ERAP1: variants seen among roughly 807,000 people sequenced by gnomAD.
The protein encoded by ERAP1 is adipocyte-derived leucine aminopeptidase.
Under a neutral mutation model 103.7 loss-of-function variants are expected in ERAP1, and 86 were observed. That is an observed-to-expected ratio of 0.83 (90% confidence interval 0.70 to 0.99). The LOEUF (loss-of-function observed/expected upper bound fraction) is 0.99. Among genes scored for constraint, ERAP1 ranks in the 50% least tolerant of loss-of-function variants. ERAP1 has a pLI of 0.00. For missense variants in ERAP1, 1,009 were observed against 1,128.4 expected (o/e 0.89, Z 1.52); for synonymous variants, 398 against 402.4 (o/e 0.99, Z 0.13).
At chr5:96,902,348 A>G in the ERAP1 span, 1 of 1,606,898 alleles carries the variant, frequency 6.2e-7, no homozygotes, top group East Asian at 2.2e-5. Context: ...CTAAAATCAA[A>G]GACAGGTAAT....
chr5:96,799,448 CA>C (rs151278117), intron 3 of ERAP1, among the ~76,000 whole-genome samples: 135 of 144,920 alleles, frequency 9.3e-4, no homozygotes, highest in African/African-American at 1.4e-3. Context: ...TTCCTATCCT[CA>C]AAAAAAAAAA....
the ERAP1 span, among the ~76,000 whole-genome samples, chr5:96,846,952 A>G: frequency 4.7e-5 from 7 of 148,500 alleles, no homozygotes; most frequent in Admixed American, 4.7e-4. Flanking sequence ...TTAAAAGTTG[A>G]GTACAGGGCC....
At chr5:96,821,460 T>C in the ERAP1 span, among the ~76,000 whole-genome samples, 1 of 152,198 alleles carries the variant, frequency 6.6e-6, no homozygotes, top group South Asian at 2.1e-4. Flanking sequence ...GTTTCCTTCC[T>C]GTGGGCACAC....
the ERAP1 span, among the ~76,000 whole-genome samples, chr5:96,923,493 G>T: frequency 6.6e-6 from 1 of 152,122 alleles, no homozygotes; most frequent in Non-Finnish European, 1.5e-5. Context: ...AGGAGATCGA[G>T]ACCATCCTGG....
At chr5:96,922,129 G>A in the ERAP1 span, among the ~76,000 whole-genome samples, 1 of 150,168 alleles carries the variant, frequency 6.7e-6, no homozygotes, top group Admixed American at 6.6e-5. Context: ...AAACCCCGTC[G>A]CTGCTAAAAA....
At chr5:96,904,557 G>C in the ERAP1 span, among the ~76,000 whole-genome samples, 1 of 152,172 alleles carries the variant, frequency 6.6e-6, no homozygotes, top group African/African-American at 2.4e-5. Flanking sequence ...TAGCTCATTG[G>C]AGGCCAAAAT....
chr5:96,764,421 G>A (rs1346115862), intron 19 of ERAP1, among the ~76,000 whole-genome samples: 1 of 152,136 alleles, frequency 6.6e-6, no homozygotes, highest in Non-Finnish European at 1.5e-5. Flanking sequence ...TGATATTGTT[G>A]TCCATAATTT....
At chr5:96,823,102 C>T in the ERAP1 span, 1 of 456,274 alleles carries the variant, frequency 2.2e-6, no homozygotes, top group South Asian at 1.5e-5. Flanking sequence ...CATGTGGGAT[C>T]CCCCAGCGTG....
At chr5:96,870,889 G>A in the ERAP1 span, among the ~76,000 whole-genome samples, 1 of 152,184 alleles carries the variant, frequency 6.6e-6, no homozygotes, top group African/African-American at 2.4e-5. Context: ...AGGTTCTCCA[G>A]TTTGATGGGT....
At chr5:96,768,460 A>G (rs943443865) in intron 19 of ERAP1, 11 of 449,432 alleles carry the variant, frequency 2.4e-5, no homozygotes, top group African/African-American at 6.1e-5. Context: ...AAAAATGCCT[A>G]TAATTCCACT....
chr5:96,807,888 G>A lies in ERAP1; in HGVS notation c.-46C>T, dbSNP rs866782445. On this transcript the variant is annotated 5_prime_UTR_variant, in exon 1 of 19. Coordinates refer to ENST00000443439, the MANE Select transcript of ERAP1 (RefSeq NM_001040458.3). ...GGGTTCTGGGGCCGCCCTCACCCTT[G>A]CGCCGCCGCCACCACCACTGCCGCC... 2.0e-6 allele frequency: 2 copies of A among 986,438 alleles called. No individual in the cohort carries two copies. Among genetic ancestry groups the A allele is most frequent in the African/African-American group, 3.5e-5 (2 of 57,378 alleles). The allele number at this position is 986,438 out of a possible 1,614,324, so 61.1% of individuals were successfully genotyped here. A position where few individuals can be genotyped will look rare whatever the true frequency, so the allele number is the denominator to read the frequency against.
the ERAP1 span, among the ~76,000 whole-genome samples, chr5:96,929,325 T>G: frequency 6.6e-6 from 1 of 152,250 alleles, no homozygotes; most frequent in African/African-American, 2.4e-5. Context: ...AAATAGAGTT[T>G]CTGCAGACCC....
chr5:96,915,755 G>A, the ERAP1 span: 1 of 1,601,104 alleles, frequency 6.2e-7, no homozygotes, highest in Non-Finnish European at 8.5e-7. Context: ...TTCTTCCAAG[G>A]ATAAGTTGCA....
chr5:96,803,375 T>C, intron 2 of ERAP1, 28 bp downstream of exon 2: 1 of 1,606,862 alleles, frequency 6.2e-7, no homozygotes, highest in Non-Finnish European at 8.5e-7. Flanking sequence ...GCACTTGCAG[T>C]TTAAAAGAAA....
the ERAP1 span, chr5:96,879,801 C>T: frequency 6.2e-7 from 1 of 1,614,200 alleles, no homozygotes; most frequent in Non-Finnish European, 8.5e-7. Flanking sequence ...TCTCAGTTCT[C>T]AGTGCCATCT....
At chr5:96,901,791 A>G in the ERAP1 span, 3 of 1,075,874 alleles carry the variant, frequency 2.8e-6, no homozygotes, top group Non-Finnish European at 3.9e-6. Context: ...AGTTCCATAT[A>G]AGAATCAAAG....
intron 18 of ERAP1, among the ~76,000 whole-genome samples, 193 bp downstream of exon 18, chr5:96,780,227 TGAG>T (rs1680134004): frequency 2.0e-5 from 3 of 152,198 alleles, no homozygotes; most frequent in Non-Finnish European, 4.4e-5. Flanking sequence ...TTAACGTGTC[TGAG>T]AAGAGGCACA....
chr5:96,850,539 G>A, the ERAP1 span, among the ~76,000 whole-genome samples: 1 of 152,042 alleles, frequency 6.6e-6, no homozygotes, highest in South Asian at 2.1e-4. Context: ...CCAGAATCAA[G>A]TATTACATCA....
intron 18 of ERAP1, chr5:96,779,234 C>T (rs1189207926): frequency 6.6e-6 from 1 of 152,114 alleles, no homozygotes; most frequent in East Asian, 1.9e-4. Flanking sequence ...CTGTTACAGC[C>T]CCATAACCTA....
Sources: gnomAD v4.1 joint callset for allele counts (sites outside exome capture counted in the v4.1 genomes callset) on GRCh38, gnomAD v4.1.1 for gene constraint, MANE v1.5 for transcripts, NCBI Gene and HGNC (gene_info 2026-07-23, HGNC 2026-07-21) for gene names.